CHP1: variants seen among roughly 807,000 people sequenced by gnomAD.
CHP1 encodes calcineurin like EF-hand protein 1.
Under a neutral mutation model 27.4 loss-of-function variants are expected in CHP1, and 11 were observed. The observed-to-expected ratio is 0.40, with a 90% confidence interval of 0.25 to 0.67. CHP1 has a LOEUF of 0.67. CHP1 is among the 30% of genes least tolerant of loss of function. CHP1 has a pLI of 0.38. For synonymous variants in CHP1, 89 were observed against 87.4 expected, an observed-to-expected ratio of 1.02 and a Z score of -0.10; for missense variants, 169 against 251.3, an observed-to-expected ratio of 0.67 and a Z score of 2.22.
chr15:41,261,159 CCTTTT>C (rs1284070408), intron 3 of CHP1, among the ~76,000 whole-genome samples: 1 of 148,242 alleles, frequency 6.7e-6, no homozygotes, highest in African/African-American at 2.5e-5. Context: ...CCTTTCCTTT[CCTTTT>C]CTTTTTTTTT....
intron 4 of CHP1, among the ~76,000 whole-genome samples, chr15:41,267,010 A>C (rs570039563): frequency 1.3e-5 from 2 of 152,200 alleles, no homozygotes; most frequent in African/African-American, 4.8e-5. Context: ...GAAAAAAAAA[A>C]GGAAATTCTG....
chr15:41,272,618 G>A (rs112140009), intron 5 of CHP1, among the ~76,000 whole-genome samples: 55,900 of 150,222 alleles, frequency 0.37, 11,347 homozygotes, highest in African/African-American at 0.57. Context: ...ATGGGGTTTC[G>A]CCATGTTGAC....
intron 2 of CHP1, 97 bp from the exon 3 acceptor site, chr15:41,256,813 A>G: frequency 1.1e-6 from 1 of 919,314 alleles, no homozygotes; most frequent in South Asian, 1.3e-5. Flanking sequence ...TCCAGGAGGT[A>G]ATATTCTTGC....
intron 5 of CHP1, among the ~76,000 whole-genome samples, chr15:41,271,022 G>A (rs936141770): frequency 4.6e-5 from 7 of 152,122 alleles, no homozygotes; most frequent in Admixed American, 1.3e-4. Context: ...TTGGAAGGCC[G>A]AGGCAGGTGG....
At chr15:41,266,244 T>C (rs1393414577) in intron 4 of CHP1, among the ~76,000 whole-genome samples, 1 of 151,964 alleles carries the variant, frequency 6.6e-6, no homozygotes, top group Non-Finnish European at 1.5e-5. Context: ...GATCACGCTA[T>C]TGCACTCCAG....
intron 4 of CHP1, 141 bp downstream of exon 4, chr15:41,263,024 A>G: frequency 9.0e-7 from 1 of 1,114,964 alleles, no homozygotes; most frequent in Non-Finnish European, 1.3e-6. Flanking sequence ...ACTGGCCAAG[A>G]TTAAATACTA....
At chr15:41,270,183 T>C (rs2047481413) in intron 4 of CHP1, among the ~76,000 whole-genome samples, 1 of 152,036 alleles carries the variant, frequency 6.6e-6, no homozygotes, top group Non-Finnish European at 1.5e-5. Context: ...TGGTGCCTAT[T>C]GTTGGTTTTC....
At chr15:41,264,251 C>A in intron 4 of CHP1, 1 of 1,275,836 alleles carries the variant, frequency 7.8e-7, no homozygotes, top group East Asian at 5.6e-5. Flanking sequence ...TCCTTCCCCT[C>A]ACTTTGATAA....
intron 5 of CHP1, among the ~76,000 whole-genome samples, chr15:41,276,038 C>T (rs945812785): frequency 6.6e-6 from 1 of 151,970 alleles, no homozygotes; most frequent in African/African-American, 2.4e-5. Flanking sequence ...GTCGGGAGTT[C>T]GAGACCAGCC....
intron 2 of CHP1, among the ~76,000 whole-genome samples, chr15:41,251,044 G>A (rs2047364229): frequency 6.6e-6 from 1 of 152,080 alleles, no homozygotes; most frequent in Non-Finnish European, 1.5e-5. Flanking sequence ...ATGTTGGCCA[G>A]GATGGTCTCG....
chr15:41,269,574 T>C (rs545689186), intron 4 of CHP1, among the ~76,000 whole-genome samples: 1 of 152,264 alleles, frequency 6.6e-6, no homozygotes, highest in Admixed American at 6.5e-5. Context: ...GCCATACACT[T>C]TGTTCCCCCA....
intron 5 of CHP1, among the ~76,000 whole-genome samples, chr15:41,274,307 G>A (rs1056707009): frequency 2.6e-5 from 4 of 152,178 alleles, no homozygotes; most frequent in African/African-American, 9.7e-5. Flanking sequence ...CAGGTAGAGG[G>A]AGCACTGAGC....
intron 4 of CHP1, among the ~76,000 whole-genome samples, chr15:41,264,785 A>G (rs2047452243): frequency 6.6e-6 from 1 of 152,134 alleles, no homozygotes; most frequent in Admixed American, 6.5e-5. Context: ...CTGTTGGATT[A>G]ACTTTTATAG....
In CHP1 at chr15:41,279,397, C is replaced by T. The variant is rs1370282466; in HGVS notation, c.*8C>T. Reference sequence around the variant, plus strand: ...ATCCGATTTCTTCACTAAAGGAGACCAAACTGTTCCTTGCGGTCTAGTATT... The same window carrying T: ...ATCCGATTTCTTCACTAAAGGAGACTAAACTGTTCCTTGCGGTCTAGTATT... On this transcript the variant is annotated 3_prime_UTR_variant, in exon 7 of 7. Coordinates refer to ENST00000334660, the MANE Select transcript of CHP1 (RefSeq NM_007236.5). The T allele has an allele frequency of 1.2e-6, 2 of 1,610,784 alleles. No homozygotes were observed. Among genetic ancestry groups the T allele is most frequent in the Non-Finnish European group, 1.7e-6 (2 of 1,178,388 alleles).
intron 5 of CHP1, among the ~76,000 whole-genome samples, chr15:41,273,421 G>A (rs879856425): frequency 1.1e-4 from 16 of 151,604 alleles, no homozygotes; most frequent in Admixed American, 7.2e-4. Flanking sequence ...TCACTCTGTC[G>A]CCCAGGCTGG....
rs763598732 is a variant in CHP1, at chr15:41,279,703, G to A, written c.*314G>A. On this transcript the variant is annotated 3_prime_UTR_variant, in exon 7 of 7. Transcript: ENST00000334660. ...CTGAGAAAGTGAGAGAGGCAATCAT[G>A]CCAAGAACAAGCCAGCAAAGCTCTT... The A allele has an allele frequency of 6.6e-6, 2 of 303,320 alleles. No individual in the cohort carries two copies. Among genetic ancestry groups the A allele is most frequent in the Non-Finnish European group, 1.2e-5 (2 of 162,928 alleles). The allele number at this position is 303,320 out of a possible 1,614,324, so 18.8% of individuals were successfully genotyped here.
intron 3 of CHP1, among the ~76,000 whole-genome samples, chr15:41,257,646 G>C (rs2047407576): frequency 6.6e-6 from 1 of 151,870 alleles, no homozygotes; most frequent in African/African-American, 2.4e-5. Flanking sequence ...TGCAACCTCT[G>C]CCTCCCGGGT....
chr15:41,234,222 A>C (rs2047265977), intron 1 of CHP1: 1 of 152,050 alleles, frequency 6.6e-6, no homozygotes, highest in South Asian at 2.1e-4. Flanking sequence ...CTCCCAAAGC[A>C]CGGGGATTAC....
intron 1 of CHP1, among the ~76,000 whole-genome samples, chr15:41,242,370 C>T (rs1192204511): frequency 6.6e-6 from 1 of 152,162 alleles, no homozygotes; most frequent in Non-Finnish European, 1.5e-5. Flanking sequence ...CAACACCTAC[C>T]TAGCCGTACA....
Sources: allele counts gnomAD v4.1 joint callset (sites outside exome capture counted in the v4.1 genomes callset), GRCh38; gene constraint gnomAD v4.1.1; transcripts MANE v1.5; gene names NCBI Gene and HGNC (gene_info 2026-07-23, HGNC 2026-07-21).